GATAD2A: variants seen among roughly 807,000 people sequenced by gnomAD.
The protein encoded by GATAD2A is transcriptional repressor p66-alpha.
In GATAD2A, 12 loss-of-function variants were observed where a neutral mutation model predicts 68.5. That is an observed-to-expected ratio of 0.18 (90% CI 0.11 to 0.28). The LOEUF (loss-of-function observed/expected upper bound fraction) is 0.28, where lower values mean the gene tolerates loss of function less well. GATAD2A is among the 10% of genes least tolerant of loss of function. The pLI is 1.00. For missense variants in GATAD2A, 755 were observed against 868.5 expected (o/e 0.87, Z 1.64); for synonymous variants, 410 against 375.3 (o/e 1.09, Z -1.07).
chr19:19,420,719 A>G (rs940168341), intron 1 of GATAD2A, among the ~76,000 whole-genome samples: 1 of 151,924 alleles, frequency 6.6e-6, no homozygotes, highest in Admixed American at 6.6e-5. Context: ...TGAAGTGCTG[A>G]TAACAGTGTG....
intron 2 of GATAD2A, among the ~76,000 whole-genome samples, chr19:19,490,982 A>G (rs895185421): frequency 6.6e-6 from 1 of 152,220 alleles, no homozygotes; most frequent in Non-Finnish European, 1.5e-5. Flanking sequence ...ACAAAGTGCC[A>G]TCTTTGGGAC....
chr19:19,474,025 C>A (rs1473020055), intron 2 of GATAD2A: 1 of 984,664 alleles, frequency 1.0e-6, no homozygotes, highest in Admixed American at 6.1e-5. Flanking sequence ...GATATTGCTT[C>A]TTCCTAGACA....
At chr19:19,493,920 C>T (rs1357834222) in intron 4 of GATAD2A, among the ~76,000 whole-genome samples, 1 of 152,158 alleles carries the variant, frequency 6.6e-6, no homozygotes, top group Non-Finnish European at 1.5e-5. Flanking sequence ...ACCGTTTTCT[C>T]ACTGAGATTG....
At chr19:19,481,056 T>C (rs984787265) in intron 2 of GATAD2A, among the ~76,000 whole-genome samples, 1 of 152,210 alleles carries the variant, frequency 6.6e-6, no homozygotes, top group Non-Finnish European at 1.5e-5. Flanking sequence ...AGGAGATGCC[T>C]TCAGTTCATT....
chr19:19,498,430 T>G lies in GATAD2A; in HGVS notation c.925-13T>G, dbSNP rs771488001. On this transcript the variant is annotated splice_polypyrimidine_tract_variant and intron_variant, in intron 7 of 11. Transcript: ENST00000683918. ...CGCACGGAGCGCCCTGACTGAGTTT[T>G]TGTCTCCCAAAGCCCACCCCAGCAT... is the stretch of plus-strand genomic sequence containing the variant. 8.2e-5 allele frequency: 131 copies of G among 1,595,742 alleles called. No individual in the cohort carries two copies. Among genetic ancestry groups the G allele is most frequent in the Non-Finnish European group, 1.1e-4 (126 of 1,165,984 alleles).
At chr19:19,428,633 G>A (rs1224415061) in intron 1 of GATAD2A, among the ~76,000 whole-genome samples, 1 of 152,234 alleles carries the variant, frequency 6.6e-6, no homozygotes, top group Non-Finnish European at 1.5e-5. Context: ...GAGTGCCAGG[G>A]AGCGAGAGGG....
In GATAD2A at chr19:19,467,492, C is replaced by T. The variant is rs150993404; in HGVS notation, c.269+1878C>T. ...TGGATTAGTTTTTCCTGCTTTGGTA[C>T]TTTAAATAAGTGGGATTATATACTA... On this transcript the variant is annotated intron_variant, in intron 2 of 11. Transcript: ENST00000683918. Among the ~76,000 whole-genome samples the T allele has an allele frequency of 3.0e-4, 45 of 152,288 alleles. 1 individual carries two copies. The highest frequency in any genetic ancestry group is 1.0e-3 in the African/African-American group (43 of 41,564).
Position 19,444,872 on chromosome 19 carries a change from T to TAAAAAA in GATAD2A, c.-6-20455_-6-20450dup, listed in dbSNP as rs10641522. Among the ~76,000 whole-genome samples, 86 of 123,166 alleles carry TAAAAAA rather than the reference T, an allele frequency of 7.0e-4. 2 individuals carry two copies. Among genetic ancestry groups the TAAAAAA allele is most frequent in the African/African-American group, 2.5e-3 (78 of 31,388 alleles). The allele number at this position is 123,166 out of a possible 152,430, so 80.8% of individuals were successfully genotyped here. On this transcript the variant is annotated intron_variant, in intron 1 of 11. Coordinates refer to ENST00000683918, the MANE Select transcript of GATAD2A (RefSeq NM_001384528.1). ...GACAACAGAGTGAGACCTCGTCCCT[T>TAAAAAA]AAAAAAAAAAAAAAAAAAGCCACCA...
Position 19,433,617 on chromosome 19 carries a change from T to C in GATAD2A, c.-7+27598T>C, listed in dbSNP as rs190122203. 5.3e-5 allele frequency among the ~76,000 whole-genome samples: 8 copies of C among 152,358 alleles called. No individual in the cohort carries two copies. The South Asian group carries it at 1.2e-3, about 24-fold the overall frequency. ...TTTGTTTTGAGATAAAACAGTATTT[T>C]ACACAAGTGAGGCTATTGTGATTGA... On this transcript the variant is annotated intron_variant, in intron 1 of 11. Transcript: ENST00000683918.
chr19:19,445,206 G>A (rs1391097362), intron 1 of GATAD2A, among the ~76,000 whole-genome samples: 1 of 152,140 alleles, frequency 6.6e-6, no homozygotes, highest in Non-Finnish European at 1.5e-5. Flanking sequence ...CCTGATGGCT[G>A]ATGGCTGATG....
chr19:19,391,634 T>A (rs932764982), intron 1 of GATAD2A, among the ~76,000 whole-genome samples: 2 of 152,190 alleles, frequency 1.3e-5, no homozygotes, highest in African/African-American at 4.8e-5. Flanking sequence ...TTTTTAAACT[T>A]GTTTTTTTTT....
At chr19:19,414,010 T>C (rs1442486621) in intron 1 of GATAD2A, among the ~76,000 whole-genome samples, 1 of 152,196 alleles carries the variant, frequency 6.6e-6, no homozygotes, top group African/African-American at 2.4e-5. Context: ...AGTCTTTTTG[T>C]TGTTGTCTCT....
chr19:19,491,499 G>T (rs553915632), intron 2 of GATAD2A, among the ~76,000 whole-genome samples: 52 of 152,344 alleles, frequency 3.4e-4, no homozygotes, highest in African/African-American at 1.0e-3. Context: ...GACTTACGGA[G>T]TGGGCAGCAG....
rs537465014 is a variant in GATAD2A, at chr19:19,463,847, C to T, written c.-6-1493C>T. ...CACACTGGCACAACACGCATGTAGA[C>T]GGCCTGCTTTCCCTCTGGCTCCAGG... On this transcript the variant is annotated intron_variant, in intron 1 of 11. Coordinates refer to ENST00000683918, the MANE Select transcript of GATAD2A (RefSeq NM_001384528.1). 2.0e-5 allele frequency among the ~76,000 whole-genome samples: 3 copies of T among 152,330 alleles called. 1 individual carries two copies. Among genetic ancestry groups the T allele is most frequent in the Non-Finnish European group, 4.4e-5 (3 of 68,030 alleles).
chr19:19,496,210 C>A lies in GATAD2A; in HGVS notation c.915C>A (p.Asn305Lys). 6.2e-7 allele frequency: 1 copy of A among 1,613,610 alleles called. No individual in the cohort carries two copies. The highest frequency in any genetic ancestry group is 2.2e-5 in the East Asian group (1 of 44,886). The change falls in exon 7 of 12, where the codon AAC becomes AAA. Residue 305 changes from asparagine to lysine, a missense_variant. Asn to Lys is a moderately conservative substitution (Grantham distance 94). Coordinates refer to ENST00000683918, the MANE Select transcript of GATAD2A (RefSeq NM_001384528.1). ...TTCCCAACACCAGCCTGCTCGTCAA[C>A]ATCCCACAGGTGAGGGCTGCGCCAC... The part of the protein sequence containing the change: ...ANVPNTSLLV[N>K]IPQPTPASLK...
intron 2 of GATAD2A, among the ~76,000 whole-genome samples, chr19:19,481,932 A>G (rs1454541721): frequency 6.6e-6 from 1 of 151,954 alleles, no homozygotes; most frequent in Non-Finnish European, 1.5e-5. Context: ...AGTAGTTCCC[A>G]TATCTACCAA....
intron 10 of GATAD2A, 77 bp downstream of exon 10, chr19:19,502,120 C>A: frequency 9.3e-7 from 1 of 1,079,064 alleles, no homozygotes; most frequent in South Asian, 1.3e-5. Context: ...GACTGTCACG[C>A]TGCCTCTTCT....
rs1220189700 is a variant in GATAD2A, at chr19:19,508,757, C to G, written c.*3283C>G. 6.6e-6 allele frequency: 1 copy of G among 152,092 alleles called. No homozygotes were observed. Among genetic ancestry groups the G allele is most frequent in the African/African-American group, 2.4e-5 (1 of 41,394 alleles). The allele number at this position is 152,092 out of a possible 1,614,324, so 9.4% of individuals were successfully genotyped here. A position where few individuals can be genotyped will look rare whatever the true frequency, so the allele number is the denominator to read the frequency against. On this transcript the variant is annotated 3_prime_UTR_variant, in exon 12 of 12. Coordinates refer to ENST00000683918, the MANE Select transcript of GATAD2A (RefSeq NM_001384528.1). Reference sequence around the variant, plus strand: ...GAGGCTCTTTGGGTGTGGAGGCTGTCACTTGTATTTATTGTGACTCTAAAT... The same window carrying G: ...GAGGCTCTTTGGGTGTGGAGGCTGTGACTTGTATTTATTGTGACTCTAAAT...
chr19:19,499,223 A>G (rs2060356762), intron 8 of GATAD2A, among the ~76,000 whole-genome samples: 1 of 152,154 alleles, frequency 6.6e-6, no homozygotes, highest in South Asian at 2.1e-4. Flanking sequence ...GAATAAAAAG[A>G]CATCTACGGG....
Sources: allele counts gnomAD v4.1 joint callset (sites outside exome capture counted in the v4.1 genomes callset), GRCh38; gene constraint gnomAD v4.1.1; transcripts MANE v1.5; gene names NCBI Gene and HGNC (gene_info 2026-07-23, HGNC 2026-07-21).